PDE8A: variants seen among roughly 807,000 people sequenced by gnomAD.
PDE8A encodes the protein high affinity cAMP-specific and IBMX-insensitive 3',5'-cyclic phosphodiesterase 8A.
A neutral mutation model predicts 105.0 loss-of-function variants in PDE8A; 59 were observed. The observed-to-expected ratio is 0.56, with a 90% CI of 0.46 to 0.70. The LOEUF is 0.70. Ranked by LOEUF, PDE8A falls within the 30% of genes least tolerant of loss-of-function variation. PDE8A has a pLI of 0.00. For missense variants in PDE8A, 1,014 were observed against 1,045.9 expected, an observed-to-expected ratio of 0.97 and a Z score of 0.42; for synonymous variants, 355 against 371.9, an observed-to-expected ratio of 0.95 and a Z score of 0.52.
At chr15:85,099,534 GC>G (rs2081821485) in intron 9 of PDE8A, among the ~76,000 whole-genome samples, 1 of 152,218 alleles carries the variant, frequency 6.6e-6, no homozygotes, top group Admixed American at 6.5e-5. Flanking sequence ...AGAGTCAGCA[GC>G]CTCTGAGCTA....
intron 12 of PDE8A, 62 bp downstream of exon 12, chr15:85,109,192 G>A: frequency 9.1e-7 from 1 of 1,099,290 alleles, no homozygotes; most frequent in Non-Finnish European, 1.4e-6. Flanking sequence ...ATGGAGCCCT[G>A]CCCTGCCTTG....
Position 85,121,130 on chromosome 15 carries a change from G to A in PDE8A, c.1952+116G>A, listed in dbSNP as rs2082175211. On this transcript the variant is annotated intron_variant, in intron 18 of 21. Transcript: ENST00000394553. ...CCATTTAAAGTGCACAAAGTATACA[G>A]TGGGCCGGACATAGTGGCTCATGCC... is the stretch of plus-strand genomic sequence containing the variant. 4.4e-6 allele frequency: 3 copies of A among 678,132 alleles called. No individual in the cohort carries two copies. The East Asian group carries it at 8.4e-5, about 19-fold the overall frequency. The allele number at this position is 678,132 out of a possible 1,614,324, so 42.0% of individuals were successfully genotyped here.
At chr15:84,987,433 C>G (rs147371736) in intron 1 of PDE8A, among the ~76,000 whole-genome samples, 188 of 142,332 alleles carry the variant, frequency 1.3e-3, no homozygotes, top group African/African-American at 4.8e-3. Context: ...GACTGGTTTT[C>G]CCTTGGATAG....
chr15:85,069,021 A>G (rs2081273698), intron 3 of PDE8A, among the ~76,000 whole-genome samples: 1 of 152,220 alleles, frequency 6.6e-6, no homozygotes, highest in South Asian at 2.1e-4. Flanking sequence ...GCTATGTACA[A>G]GAGAATGTTT....
At chr15:85,017,379 A>C (rs946984171) in intron 1 of PDE8A, among the ~76,000 whole-genome samples, 1 of 152,316 alleles carries the variant, frequency 6.6e-6, no homozygotes, top group East Asian at 1.9e-4. Flanking sequence ...TTTTCCAGAC[A>C]TATCATTATA....
chr15:85,031,647 CCTCT>C (rs981412424), intron 1 of PDE8A, among the ~76,000 whole-genome samples: 3 of 152,104 alleles, frequency 2.0e-5, no homozygotes, highest in African/African-American at 7.2e-5. Flanking sequence ...AGTAGATTAA[CCTCT>C]CTGTTTCCAA....
chr15:84,983,803 T>TTA (rs2079759626), intron 1 of PDE8A, among the ~76,000 whole-genome samples: 1 of 152,226 alleles, frequency 6.6e-6, no homozygotes, highest in African/African-American at 2.4e-5. Context: ...CCTTTTATAG[T>TTA]GAGGGGCCTT....
At chr15:85,118,140 A>G (rs2082125191) in intron 17 of PDE8A, among the ~76,000 whole-genome samples, 1 of 152,186 alleles carries the variant, frequency 6.6e-6, no homozygotes. Context: ...AAGCCTGTAC[A>G]CTAGTAGAGC....
chr15:85,061,760 G>A (rs1485478402), intron 1 of PDE8A, among the ~76,000 whole-genome samples: 1 of 151,984 alleles, frequency 6.6e-6, no homozygotes, highest in Non-Finnish European at 1.5e-5. Flanking sequence ...TGTCCTTCAG[G>A]CACTGTAAGC....
intron 11 of PDE8A, among the ~76,000 whole-genome samples, chr15:85,104,148 A>C (rs60000029): frequency 0.26 from 40,196 of 152,246 alleles, 5,508 homozygotes; most frequent in East Asian, 0.38. Context: ...GTTCTAGGTC[A>C]GGCCCTGAGC....
chr15:85,066,971 A>G (rs756289533), intron 2 of PDE8A, 43 bp from the exon 3 acceptor site: 6 of 1,402,912 alleles, frequency 4.3e-6, no homozygotes, highest in African/African-American at 2.9e-5. Flanking sequence ...TGACAATTCT[A>G]ACATCTTTTT....
At chr15:85,058,715 A>C (rs1333166816) in intron 1 of PDE8A, among the ~76,000 whole-genome samples, 1 of 152,174 alleles carries the variant, frequency 6.6e-6, no homozygotes, top group East Asian at 1.9e-4. Context: ...CTCTCTTAGA[A>C]TCCTTTTTAT....
intron 20 of PDE8A, among the ~76,000 whole-genome samples, chr15:85,130,072 G>A (rs1235002759): frequency 2.0e-5 from 3 of 152,252 alleles, no homozygotes; most frequent in South Asian, 2.1e-4. Context: ...CTCAGCTTCC[G>A]GTGAGGGCTC....
intron 20 of PDE8A, among the ~76,000 whole-genome samples, chr15:85,130,446 C>T (rs1230015753): frequency 6.6e-6 from 1 of 152,044 alleles, no homozygotes; most frequent in African/African-American, 2.4e-5. Flanking sequence ...TTTGTATGAC[C>T]TTACCTTTTA....
chr15:85,104,410 T>A (rs906859429), intron 11 of PDE8A, among the ~76,000 whole-genome samples: 3 of 152,064 alleles, frequency 2.0e-5, no homozygotes, highest in African/African-American at 7.2e-5. Context: ...ATTCATCCTG[T>A]AGGCAGAGGA....
At position 85,136,501 on chromosome 15, in the gene PDE8A, T is replaced by TG. The variant is rs1039042878; in HGVS notation, c.2254-29dup. 6 of 1,598,160 alleles carry TG rather than the reference T, an allele frequency of 3.8e-6. No individual in the cohort carries two copies. In the African/African-American group the frequency reaches 8.0e-5, roughly 21 times the overall value. On this transcript the variant is annotated intron_variant, in intron 20 of 21. Coordinates refer to ENST00000394553, the MANE Select transcript of PDE8A (RefSeq NM_002605.3). ...CCCTAGGTGGAGTGGAACCAGATGT[T>TG]GGGGTCTCCTGATCACATTTTCTGC...
chr15:85,113,276 C>A, intron 12 of PDE8A, 101 bp from the exon 13 acceptor site: 1 of 950,728 alleles, frequency 1.1e-6, no homozygotes, highest in South Asian at 1.3e-5. Context: ...TCAGTTCTAT[C>A]CTGCCCCTTC....
chr15:85,123,144 A>T lies in PDE8A; in HGVS notation c.2036A>T (p.Lys679Ile), dbSNP rs1164556211. 6 of 1,613,924 alleles carry T rather than the reference A, an allele frequency of 3.7e-6. No homozygotes were observed. The African/African-American group carries it at 5.3e-5, about 14-fold the overall frequency. Residue 679 changes from lysine (K) to isoleucine (I), a missense_variant, in exon 19 of 22, where the codon AAA becomes ATA. Coordinates refer to ENST00000394553, the MANE Select transcript of PDE8A (RefSeq NM_002605.3). ...EMTKHFEHVN[K>I]FVNSINKPLA... ...ACAAAGCACTTTGAGCATGTCAACA[A>T]ATTTGTCAACAGCATCAACAAACCC...
intron 19 of PDE8A, among the ~76,000 whole-genome samples, chr15:85,125,529 T>C (rs2082245628): frequency 6.6e-6 from 1 of 152,202 alleles, no homozygotes. Flanking sequence ...GAAGTTCTTA[T>C]CCTGGCTCGG....
Sources: gnomAD v4.1 joint callset for allele counts (sites outside exome capture counted in the v4.1 genomes callset) on GRCh38, gnomAD v4.1.1 for gene constraint, MANE v1.5 for transcripts, NCBI Gene and HGNC (gene_info 2026-07-23, HGNC 2026-07-21) for gene names.